Variants in XIRP2 observed in about 807,000 individuals in gnomAD.
The protein encoded by XIRP2 is xin actin binding repeat containing 2.
Under a neutral mutation model 277.0 loss-of-function variants are expected in XIRP2, and 236 were observed. That is an observed-to-expected ratio of 0.85 (90% CI 0.77 to 0.95). The LOEUF is 0.95. XIRP2 is among the 40% of genes least tolerant of loss of function. The pLI, the probability that XIRP2 is intolerant of heterozygous loss-of-function variation, is 0.00. For missense variants in XIRP2, 4,640 were observed against 4,157.5 expected (o/e 1.12, Z -3.19); for synonymous variants, 1,490 against 1,416.5 (o/e 1.05, Z -1.17).
rs761118120 is a variant in XIRP2, at chr2:167,246,697, C to G, written c.5305C>G (p.Leu1769Val). 1 of 1,613,490 alleles carries G rather than the reference C, an allele frequency of 6.2e-7. No individual in the cohort carries two copies. Among genetic ancestry groups the G allele is most frequent in the African/African-American group, 1.3e-5 (1 of 74,874 alleles). Residue 1769 changes from leucine to valine, a missense_variant, in exon 9 of 11, where the codon CTG becomes GTG. Transcript: ENST00000409195. ...ACTCCACACAGAGTCAAATGAAACA[C>G]TGACAGCTAAGAAACAAGAAGGAGA... ...KQLHTESNET[L>V]TAKKQEGEKE...
chr2:167,053,724 T>C (rs915866019), intron 2 of XIRP2, among the ~76,000 whole-genome samples: 1 of 152,242 alleles, frequency 6.6e-6, no homozygotes, highest in Non-Finnish European at 1.5e-5. Context: ...TAATTCTGTA[T>C]GATAATAGGA....
At position 167,251,192 on chromosome 2, in the gene XIRP2, A is replaced by G. The variant is rs1481886330; in HGVS notation, c.9800A>G (p.Lys3267Arg). ...CAAGAGGAAATCAGGAAAGTGGAGAAGAGAGCTACTTATGTTCATAAAGAT... is the reference window on the plus strand; with the variant it reads ...CAAGAGGAAATCAGGAAAGTGGAGAGGAGAGCTACTTATGTTCATAAAGAT... Reference protein sequence around the residue: ...DAQEEIRKVEKRATYVHKDGL... With the variant: ...DAQEEIRKVERRATYVHKDGL... The change falls in exon 9 of 11, where the codon AAG (lysine) becomes AGG (arginine). Residue 3267 changes from lysine (K) to arginine (R), a missense_variant. Transcript: ENST00000409195. 1.9e-6 allele frequency: 3 copies of G among 1,613,558 alleles called. No homozygotes were observed. Among genetic ancestry groups the G allele is most frequent in the Non-Finnish European group, 2.5e-6 (3 of 1,179,732 alleles).
At chr2:167,062,330 C>T (rs1689191207) in intron 2 of XIRP2, among the ~76,000 whole-genome samples, 1 of 152,182 alleles carries the variant, frequency 6.6e-6, no homozygotes, top group Admixed American at 6.5e-5. Context: ...TTTAGCAGTA[C>T]ACCACTCTAT....
chr2:166,963,086 T>A (rs1258925452), intron 2 of XIRP2, among the ~76,000 whole-genome samples: 1 of 151,732 alleles, frequency 6.6e-6, no homozygotes, highest in Non-Finnish European at 1.5e-5. Context: ...TCACTATTCA[T>A]TATATATATT....
intron 2 of XIRP2, among the ~76,000 whole-genome samples, chr2:167,061,723 G>A (rs1488227763): frequency 6.6e-6 from 1 of 152,012 alleles, no homozygotes; most frequent in African/African-American, 2.4e-5. Flanking sequence ...CCATTTGAAG[G>A]TGGAAGCAGA....
At chr2:167,155,621 C>A (rs1239745795) in intron 3 of XIRP2, among the ~76,000 whole-genome samples, 1 of 152,022 alleles carries the variant, frequency 6.6e-6, no homozygotes, top group African/African-American at 2.4e-5. Context: ...CTATCTATGA[C>A]AAACCCACAG....
At chr2:167,213,699 C>T (rs763959104) in intron 4 of XIRP2, among the ~76,000 whole-genome samples, 8 of 152,126 alleles carry the variant, frequency 5.3e-5, no homozygotes, top group Non-Finnish European at 8.8e-5. Context: ...GTCACAGGAA[C>T]GGTCCCCACC....
intron 2 of XIRP2, among the ~76,000 whole-genome samples, chr2:166,945,663 CTTTTTTTTTTTT>C (rs71395267): frequency 2.9e-5 from 2 of 69,264 alleles, no homozygotes; most frequent in African/African-American, 1.2e-4. Flanking sequence ...TAAGATAAAT[CTTTTTTTTTTTT>C]TTTTTTTTTT....
intron 2 of XIRP2, among the ~76,000 whole-genome samples, chr2:167,096,628 TA>T (rs1158935202): frequency 6.6e-6 from 1 of 152,190 alleles, no homozygotes; most frequent in Non-Finnish European, 1.5e-5. Context: ...CTAGTTCTTT[TA>T]ATTTTGATGT....
rs1257317903 is a variant in XIRP2 at position 167,249,350 on chromosome 2, A to G, written c.7958A>G (p.Asp2653Gly). ...GTTTTAGCAGCTTCAGAAGACAAAGATAAGATGAAAAAGGAAGTTTTACAA... is the reference window on the plus strand; with the variant it reads ...GTTTTAGCAGCTTCAGAAGACAAAGGTAAGATGAAAAAGGAAGTTTTACAA... ...HHVLAASEDK[D>G]KMKKEVLQSS... The change falls in exon 9 of 11, where the codon GAT becomes GGT. Residue 2653 changes from aspartate to glycine, a missense_variant. By Grantham distance (94) the Asp-to-Gly change is moderately conservative. Transcript: ENST00000409195. 1.9e-6 allele frequency: 3 copies of G among 1,613,786 alleles called. No individual in the cohort carries two copies. The South Asian group carries it at 3.3e-5, about 18-fold the overall frequency.
intron 3 of XIRP2, among the ~76,000 whole-genome samples, chr2:167,176,149 A>C (rs1000480459): frequency 1.3e-5 from 2 of 152,064 alleles, no homozygotes; most frequent in Admixed American, 1.3e-4. Context: ...TTGGCATTCC[A>C]GGTGCCAACT....
chr2:166,974,898 T>C (rs1686670831), intron 2 of XIRP2, among the ~76,000 whole-genome samples: 1 of 152,034 alleles, frequency 6.6e-6, no homozygotes, highest in African/African-American at 2.4e-5. Context: ...ATGAATCCTA[T>C]TTTAAAATAA....
intron 2 of XIRP2, chr2:167,124,341 G>A (rs11893739): frequency 6.6e-6 from 1 of 152,116 alleles, no homozygotes; most frequent in Admixed American, 6.6e-5. Flanking sequence ...TATACATAGA[G>A]ATATAAATTA....
intron 1 of XIRP2, among the ~76,000 whole-genome samples, chr2:166,895,714 T>C (rs1427135977): frequency 6.6e-6 from 1 of 152,182 alleles, no homozygotes; most frequent in African/African-American, 2.4e-5. Flanking sequence ...TGTTCATTCA[T>C]ACCCAGATTC....
At chr2:167,104,831 C>A (rs991837904) in intron 2 of XIRP2, among the ~76,000 whole-genome samples, 1 of 152,022 alleles carries the variant, frequency 6.6e-6, no homozygotes, top group Non-Finnish European at 1.5e-5. Flanking sequence ...TTTCAGTTTA[C>A]TTTCTTGATT....
intron 5 of XIRP2, among the ~76,000 whole-genome samples, chr2:167,232,416 C>T (rs940794680): frequency 2.0e-5 from 3 of 151,258 alleles, no homozygotes; most frequent in Non-Finnish European, 4.4e-5. Flanking sequence ...TGAGTAACCC[C>T]CTAAATCTAC....
At chr2:167,003,642 G>C (rs1397025288) in intron 2 of XIRP2, among the ~76,000 whole-genome samples, 3 of 151,802 alleles carry the variant, frequency 2.0e-5, no homozygotes, top group Admixed American at 6.6e-5. Flanking sequence ...TGGAGAATTT[G>C]CTCCTAAAGA....
At chr2:167,237,170 T>C (rs1043089260) in intron 5 of XIRP2, among the ~76,000 whole-genome samples, 7 of 152,222 alleles carry the variant, frequency 4.6e-5, no homozygotes, top group Admixed American at 3.9e-4. Flanking sequence ...GTTTATTTTG[T>C]GTCATCTCCT....
At chr2:167,178,784 A>T (rs1692926927) in intron 3 of XIRP2, among the ~76,000 whole-genome samples, 1 of 152,070 alleles carries the variant, frequency 6.6e-6, no homozygotes, top group Non-Finnish European at 1.5e-5. Flanking sequence ...CTTCTCCTTC[A>T]TAAACTTATC....
Sources: gnomAD v4.1 joint callset for allele counts (sites outside exome capture counted in the v4.1 genomes callset) on GRCh38, gnomAD v4.1.1 for gene constraint, MANE v1.5 for transcripts, NCBI Gene and HGNC (gene_info 2026-07-23, HGNC 2026-07-21) for gene names.